Variants in KCNQ1 observed in about 807,000 individuals in gnomAD.
The protein encoded by KCNQ1 is potassium voltage-gated channel subfamily KQT member 1.
A neutral mutation model predicts 72.4 loss-of-function variants in KCNQ1; 49 were observed. That is an observed-to-expected ratio of 0.68 (90% CI 0.54 to 0.86). KCNQ1 has a LOEUF of 0.86. Ranked by LOEUF, KCNQ1 falls within the 40% of genes least tolerant of loss-of-function variation. KCNQ1 has a pLI of 0.00. For synonymous variants in KCNQ1, 450 were observed against 412.6 expected, an observed-to-expected ratio of 1.09 and a Z score of -1.10; for missense variants, 790 against 945.1, an observed-to-expected ratio of 0.84 and a Z score of 2.15.
intron 10 of KCNQ1, chr11:2,640,373 A>C (rs1003759220): frequency 2.5e-6 from 1 of 397,970 alleles, no homozygotes; most frequent in Non-Finnish European, 4.4e-6. Context: ...GCAATCTTTA[A>C]CTCCCAGGCT....
chr11:2,527,746 G>A (rs950385537), intron 1 of KCNQ1, among the ~76,000 whole-genome samples, 182 bp from the exon 2 acceptor site: 12 of 152,234 alleles, frequency 7.9e-5, no homozygotes, highest in African/African-American at 2.4e-4. Flanking sequence ...GTGGCGGGAC[G>A]GCATCCCTCG....
chr11:2,700,415 A>G (rs1850785654), intron 11 of KCNQ1, among the ~76,000 whole-genome samples: 2 of 152,196 alleles, frequency 1.3e-5, no homozygotes, highest in African/African-American at 4.8e-5. Flanking sequence ...CCGCACCCCG[A>G]CACTGCTGTG....
rs1047403150 is a variant in KCNQ1 at position 2,538,997 on chromosome 11, G to A, written c.477+10979G>A. Reference sequence around the variant, plus strand: ...CTTTCCTCCAGGGAGGCTGTGCAGAGGGAAGGCAGTGAGCCCCACCTGGGT... The same window carrying A: ...CTTTCCTCCAGGGAGGCTGTGCAGAAGGAAGGCAGTGAGCCCCACCTGGGT... On this transcript the variant is annotated intron_variant, in intron 2 of 15. Transcript: ENST00000155840. This position sits in a 1 kb window ranked among gnomAD's most constrained non-coding sequence, Gnocchi z 6.7. Among the ~76,000 whole-genome samples, 2 of 152,218 alleles carry A rather than the reference G, an allele frequency of 1.3e-5. No individual in the cohort carries two copies. The highest frequency in any genetic ancestry group is 4.8e-5 in the African/African-American group (2 of 41,470).
chr11:2,475,918 G>A lies in KCNQ1; in HGVS notation c.386+30434G>A, dbSNP rs1846562777. 6.6e-6 allele frequency among the ~76,000 whole-genome samples: 1 copy of A among 152,206 alleles called. No individual in the cohort carries two copies. The highest frequency in any genetic ancestry group is 2.1e-4 in the South Asian group (1 of 4,836). On this transcript the variant is annotated intron_variant, in intron 1 of 15. Coordinates refer to ENST00000155840, the MANE Select transcript of KCNQ1 (RefSeq NM_000218.3). The surrounding 1 kb of genome is among the most constrained non-coding windows in gnomAD (Gnocchi z 5.8). Reference sequence around the variant, plus strand: ...GAGGCTTCCCCAGCCACATGGAACTGTAAGTCCAATTAAACCTCTTTCTTT... The same window carrying A: ...GAGGCTTCCCCAGCCACATGGAACTATAAGTCCAATTAAACCTCTTTCTTT...
Position 2,544,380 on chromosome 11 carries a change from GTGTGCATATA to G in KCNQ1, c.477+16367_477+16376del, listed in dbSNP as rs35741028. On this transcript the variant is annotated intron_variant, in intron 2 of 15. Transcript: ENST00000155840. This position sits in a 1 kb window ranked among gnomAD's most constrained non-coding sequence, Gnocchi z 4.4. ...TGTGTATATATATGTGTATATATATGTGTGCATATATGTGTATATATGTGTGTGTATATAT... is the reference window on the plus strand; with the variant it reads ...TGTGTATATATATGTGTATATATATGTGTGTATATATGTGTGTGTATATAT... Among the ~76,000 whole-genome samples the G allele has an allele frequency of 0.15, 22,398 of 147,964 alleles. 1,896 individuals carry two copies. The highest frequency in any genetic ancestry group is 0.3 in the East Asian group (1,520 of 5,100).
chr11:2,641,412 C>T (rs1212298963), intron 10 of KCNQ1: 1 of 397,946 alleles, frequency 2.5e-6, no homozygotes, highest in Non-Finnish European at 4.4e-6. Context: ...TTTAAATATA[C>T]CTGTTGGCTA....
In KCNQ1 at chr11:2,657,191, C is replaced by G; in HGVS notation, c.1394-4770C>G. On this transcript the variant is annotated intron_variant, in intron 10 of 15. Coordinates refer to ENST00000155840, the MANE Select transcript of KCNQ1 (RefSeq NM_000218.3). This position sits in a 1 kb window ranked among gnomAD's most constrained non-coding sequence, Gnocchi z 4.8. ...ACCTTGTTCTTCTTCAAGAATATTG[C>G]CAATTCTTGGCTTTTTGCACTTCCA... is the stretch of plus-strand genomic sequence containing the variant. The G allele has an allele frequency of 7.5e-6, 3 of 398,620 alleles. No homozygotes were observed. The Admixed American group carries it at 1.3e-4, about 18-fold the overall frequency. 24.7% of individuals were successfully genotyped at this position (398,620 alleles called of 1,614,324 possible).
Position 2,818,717 on chromosome 11 carries a change from C to T in KCNQ1, c.1795-29050C>T, listed in dbSNP as rs1053774479. ...CACCAGCTGCCCAGAGCCCCCAGCC[C>T]CTACCCTAGTCTGATGACCCAGGCC... On this transcript the variant is annotated intron_variant, in intron 15 of 15. Coordinates refer to ENST00000155840, the MANE Select transcript of KCNQ1 (RefSeq NM_000218.3). The surrounding 1 kb of genome is among the most constrained non-coding windows in gnomAD (Gnocchi z 7.2). 3.9e-5 allele frequency among the ~76,000 whole-genome samples: 6 copies of T among 152,142 alleles called. No individual in the cohort carries two copies. The highest frequency in any genetic ancestry group is 1.4e-4 in the African/African-American group (6 of 41,424).
chr11:2,483,967 G>A lies in KCNQ1; in HGVS notation c.386+38483G>A, dbSNP rs1846693368. 6.6e-6 allele frequency among the ~76,000 whole-genome samples: 1 copy of A among 152,210 alleles called. No homozygotes were observed. Among genetic ancestry groups the A allele is most frequent in the Non-Finnish European group, 1.5e-5 (1 of 68,044 alleles). On this transcript the variant is annotated intron_variant, in intron 1 of 15. Transcript: ENST00000155840. The surrounding 1 kb of genome is among the most constrained non-coding windows in gnomAD (Gnocchi z 6.1). The stretch of plus-strand genomic sequence containing the variant: ...GCTGGTTTTGCTTGTGACAGGCAAA[G>A]TCTGTGGTGCTTGCCAAATGGGGAT...
At chr11:2,453,194 T>C (rs1019508912) in intron 1 of KCNQ1, among the ~76,000 whole-genome samples, 4 of 152,246 alleles carry the variant, frequency 2.6e-5, no homozygotes, top group African/African-American at 9.6e-5. Flanking sequence ...ACCAACGTGG[T>C]GAAACCCTGT....
Position 2,767,369 on chromosome 11 carries a change from T to C in KCNQ1, c.1515-1475T>C, listed in dbSNP as rs1846518634. ...ATATACCGTGTACATTCCCCAGTAC[T>C]CTTTCATCAGTGAAGTCACAAGGTG... On this transcript the variant is annotated intron_variant, in intron 11 of 15. Coordinates refer to ENST00000155840, the MANE Select transcript of KCNQ1 (RefSeq NM_000218.3). The surrounding 1 kb of genome is among the most constrained non-coding windows in gnomAD (Gnocchi z 4.6). Among the ~76,000 whole-genome samples, 1 of 152,188 alleles carries C rather than the reference T, an allele frequency of 6.6e-6. No individual in the cohort carries two copies. Among genetic ancestry groups the C allele is most frequent in the Non-Finnish European group, 1.5e-5 (1 of 68,046 alleles).
rs1030250135 is a variant in KCNQ1 at position 2,818,292 on chromosome 11, C to T, written c.1795-29475C>T. Among the ~76,000 whole-genome samples, 4 of 152,184 alleles carry T rather than the reference C, an allele frequency of 2.6e-5. No individual in the cohort carries two copies. The highest frequency in any genetic ancestry group is 4.8e-5 in the African/African-American group (2 of 41,434). ...CCCACTCCTGTGGGTACACAGCTTC[C>T]CTTTCTGCAAAGTCACACCCCAAGC... On this transcript the variant is annotated intron_variant, in intron 15 of 15. Coordinates refer to ENST00000155840, the MANE Select transcript of KCNQ1 (RefSeq NM_000218.3). The surrounding 1 kb of genome is among the most constrained non-coding windows in gnomAD (Gnocchi z 7.2).
intron 2 of KCNQ1, among the ~76,000 whole-genome samples, chr11:2,561,068 G>A (rs1848157748): frequency 6.6e-6 from 1 of 151,700 alleles, no homozygotes; most frequent in African/African-American, 2.4e-5. Context: ...CGGGCGAGGT[G>A]GCGGGCGCCT....
chr11:2,506,963 G>A (rs983093409), intron 1 of KCNQ1, among the ~76,000 whole-genome samples: 4 of 152,096 alleles, frequency 2.6e-5, no homozygotes, highest in Non-Finnish European at 2.9e-5. Context: ...TTGTGGGAAC[G>A]TTTGTCTGGA....
At chr11:2,524,331 G>A (rs1476072424) in intron 1 of KCNQ1, among the ~76,000 whole-genome samples, 1 of 152,198 alleles carries the variant, frequency 6.6e-6, no homozygotes, top group Non-Finnish European at 1.5e-5. Context: ...AGCCATGCCG[G>A]GTCAGGGAAC....
At chr11:2,506,206 T>C (rs974951648) in intron 1 of KCNQ1, among the ~76,000 whole-genome samples, 8 of 152,222 alleles carry the variant, frequency 5.3e-5, no homozygotes, top group African/African-American at 1.7e-4. Flanking sequence ...AGGTCTTACA[T>C]TTATACCTTT....
intron 11 of KCNQ1, among the ~76,000 whole-genome samples, chr11:2,744,764 G>A (rs922935354): frequency 6.6e-6 from 1 of 152,218 alleles, no homozygotes; most frequent in African/African-American, 2.4e-5. Context: ...ATTTTCTTCT[G>A]TGAAATTTAT....
intron 1 of KCNQ1, among the ~76,000 whole-genome samples, chr11:2,524,040 G>C (rs886431553): frequency 1.3e-5 from 2 of 152,144 alleles, no homozygotes; most frequent in Admixed American, 1.3e-4. Context: ...GTGGCCAAAG[G>C]GGCTTTGCAG....
intron 10 of KCNQ1, chr11:2,619,321 T>C (rs1849124833): frequency 5.0e-6 from 2 of 398,556 alleles, no homozygotes; most frequent in Non-Finnish European, 8.8e-6. Flanking sequence ...TTTTCATAAA[T>C]GGCATTCGTT....
Sources: gnomAD v4.1 joint callset for allele counts (sites outside exome capture counted in the v4.1 genomes callset) on GRCh38, gnomAD v4.1.1 for gene constraint, Gnocchi (gnomAD v3.1) non-coding constraint, MANE v1.5 for transcripts, NCBI Gene and HGNC (gene_info 2026-07-23, HGNC 2026-07-21) for gene names.